The following OR2F1 variants were observed in gnomAD, a reference collection of about 807,000 sequenced individuals.
The protein encoded by OR2F1 is olfactory receptor family 2 subfamily F member 1.
For missense variants in OR2F1, 389 were observed against 378.2 expected, an observed-to-expected ratio of 1.03 and a Z score of -0.24; for synonymous variants, 146 against 155.3, an observed-to-expected ratio of 0.94 and a Z score of 0.44.
intron 1 of OR2F1, among the ~76,000 whole-genome samples, chr7:143,955,342 C>G (rs1478222952): frequency 6.6e-6 from 1 of 152,006 alleles, no homozygotes; most frequent in Non-Finnish European, 1.5e-5. Flanking sequence ...AAAACTCCAG[C>G]TTTTACTATT....
rs1242877286 is a variant in OR2F1, at chr7:143,960,232, G to T, written c.262G>T (p.Glu88Ter). The T allele has an allele frequency of 1.1e-5, 18 of 1,614,032 alleles. No homozygotes were observed. Among genetic ancestry groups the T allele is most frequent in the Non-Finnish European group, 1.4e-5 (17 of 1,180,044 alleles). ...VPQLLAHFLA[E>*]HKAIPFQSCA... ...TCAGCTGCTGGCACATTTTCTTGCA[G>T]AACATAAAGCCATCCCATTCCAGAG... Residue 88 changes from glutamate (E) to a stop codon, truncating the protein, a stop_gained, in exon 3 of 3, where the codon GAA becomes TAA. Transcript: ENST00000641412. LOFTEE classifies it low-confidence loss of function (END_TRUNC).
At chr7:143,956,143 C>A (rs2050283788) in intron 1 of OR2F1, among the ~76,000 whole-genome samples, 1 of 152,050 alleles carries the variant, frequency 6.6e-6, no homozygotes, top group Non-Finnish European at 1.5e-5. Flanking sequence ...CAGATTAGAG[C>A]AGTAAAGATC....
rs966978412 is a variant in OR2F1 at position 143,959,928 on chromosome 7, T to C, written c.-23-20T>C. The C allele has an allele frequency of 2.7e-6, 4 of 1,457,210 alleles. No homozygotes were observed. The South Asian group carries it at 4.0e-5, about 15-fold the overall frequency. 90.3% of individuals were successfully genotyped at this position (1,457,210 alleles called of 1,614,324 possible). ...TATAGTTATTCAACAGCTTCTGTTTTTTTCTGACTCCCTTCACAGATTAAT... is the reference window on the plus strand; with the variant it reads ...TATAGTTATTCAACAGCTTCTGTTTCTTTCTGACTCCCTTCACAGATTAAT... On this transcript the variant is annotated intron_variant, in intron 2 of 2. Transcript: ENST00000641412.
At chr7:143,955,641 G>A (rs2050279203) in intron 1 of OR2F1, among the ~76,000 whole-genome samples, 1 of 152,072 alleles carries the variant, frequency 6.6e-6, no homozygotes, top group African/African-American at 2.4e-5. Context: ...AACACAGGAA[G>A]CAGTAATTCC....
chr7:143,960,815 C>A lies in OR2F1; in HGVS notation c.845C>A (p.Thr282Lys). Residue 282 changes from threonine to lysine, a missense_variant, in exon 3 of 3, where the codon ACA (threonine) becomes AAA (lysine). Coordinates refer to ENST00000641412, the MANE Select transcript of OR2F1 (RefSeq NM_012369.3). ...KLFSVFYAIL[T>K]PMLNPMIYSL... ...TTCTCTGTCTTTTATGCCATTTTAA[C>A]ACCAATGCTGAACCCCATGATTTAC... is the stretch of plus-strand genomic sequence containing the variant. 6.2e-7 allele frequency: 1 copy of A among 1,614,156 alleles called. No homozygotes were observed. Among genetic ancestry groups the A allele is most frequent in the Non-Finnish European group, 8.5e-7 (1 of 1,180,010 alleles).
At chr7:143,958,167 A>G (rs2050298044) in intron 1 of OR2F1, among the ~76,000 whole-genome samples, 1 of 152,222 alleles carries the variant, frequency 6.6e-6, no homozygotes, top group Non-Finnish European at 1.5e-5. Flanking sequence ...TCTAACAACG[A>G]TGACACTTTA....
chr7:143,956,525 A>C (rs1261743414), intron 1 of OR2F1, among the ~76,000 whole-genome samples: 4 of 152,194 alleles, frequency 2.6e-5, no homozygotes, highest in Non-Finnish European at 5.9e-5. Flanking sequence ...AGCCTATTTT[A>C]ATAAAAGACT....
Position 143,960,921 on chromosome 7 carries a change from T to C in OR2F1, c.951T>C (p.Thr317=). ...KFSGLTSKLA[T] ...CTGGGTTAACATCAAAGCTGGCAAC[T>C]TGACTCATGAGTATGACTTAGAGAA... Residue 317 remains threonine (T), a synonymous_variant, in exon 3 of 3, where the codon ACT becomes ACC. Transcript: ENST00000641412. 5.0e-6 allele frequency: 8 copies of C among 1,602,300 alleles called. No individual in the cohort carries two copies. Among genetic ancestry groups the C allele is most frequent in the South Asian group, 2.3e-5 (2 of 88,566 alleles).
rs764362000 is a variant in OR2F1, at chr7:143,960,795, T to C, written c.825T>C (p.Ser275=). 3.7e-6 allele frequency: 6 copies of C among 1,614,192 alleles called. No individual in the cohort carries two copies. The Admixed American group carries it at 6.7e-5, about 18-fold the overall frequency. Residue 275 remains serine (S), a synonymous_variant, in exon 3 of 3, where the codon TCT becomes TCC. Transcript: ENST00000641412. Reference sequence around the variant, plus strand: ...CTGTCCTTCAGGAGAAGTTGTTCTCTGTCTTTTATGCCATTTTAACACCAA... The same window carrying C: ...CTGTCCTTCAGGAGAAGTTGTTCTCCGTCTTTTATGCCATTTTAACACCAA... The part of the protein sequence containing the change: ...SPSVLQEKLF[S]VFYAILTPML...
chr7:143,961,725 C>A lies in OR2F1; in HGVS notation c.*801C>A, dbSNP rs1036425163. 4.6e-5 allele frequency: 7 copies of A among 152,090 alleles called. No homozygotes were observed. Among genetic ancestry groups the A allele is most frequent in the African/African-American group, 1.7e-4 (7 of 41,418 alleles). 9.4% of individuals were successfully genotyped at this position (152,090 alleles called of 1,614,324 possible). On this transcript the variant is annotated 3_prime_UTR_variant, in exon 3 of 3. Transcript: ENST00000641412. ...AAATCTGTAAGCTCTTTCTCAGAAT[C>A]TTCAGAAACACACAAAAAAGCACAC...
chr7:143,956,418 T>G (rs754241432), intron 1 of OR2F1, among the ~76,000 whole-genome samples: 1 of 152,140 alleles, frequency 6.6e-6, no homozygotes, highest in Non-Finnish European at 1.5e-5. Flanking sequence ...AAGATATATT[T>G]TTTGAATATT....
rs759961806 is a variant in OR2F1, at chr7:143,960,287, C to T, written c.317C>T (p.Ala106Val). 84 of 1,614,020 alleles carry T rather than the reference C, an allele frequency of 5.2e-5. No individual in the cohort carries two copies. The highest frequency in any genetic ancestry group is 1.1e-4 in the South Asian group (10 of 91,084). Reference sequence around the variant, plus strand: ...GCAGCCCAGTTATTTTTCTCCCTGGCCTTGGGTGGGATTGAGTTTGTTCTC... The same window carrying T: ...GCAGCCCAGTTATTTTTCTCCCTGGTCTTGGGTGGGATTGAGTTTGTTCTC... Reference protein sequence around the residue: ...SCAAQLFFSLALGGIEFVLLA... With the variant: ...SCAAQLFFSLVLGGIEFVLLA... Residue 106 changes from alanine to valine, a missense_variant, in exon 3 of 3, where the codon GCC (alanine) becomes GTC (valine). Physicochemically the swap from Ala to Val is moderately conservative, Grantham distance 64 (BLOSUM62 0). Transcript: ENST00000641412.
At chr7:143,956,093 C>T (rs2050283383) in intron 1 of OR2F1, among the ~76,000 whole-genome samples, 1 of 152,078 alleles carries the variant, frequency 6.6e-6, no homozygotes, top group African/African-American at 2.4e-5. Flanking sequence ...GTTAGTTGAC[C>T]TCAATGAATG....
At position 143,961,800 on chromosome 7, in the gene OR2F1, A is replaced by G. The variant is rs2050332200; in HGVS notation, c.*876A>G. ...GTCAAAGACATAGTTAATTTAAGGA[A>G]AAACTCTTCAGCCAAAGTCAATGAA... On this transcript the variant is annotated 3_prime_UTR_variant, in exon 3 of 3. Coordinates refer to ENST00000641412, the MANE Select transcript of OR2F1 (RefSeq NM_012369.3). 1 of 152,228 alleles carries G rather than the reference A, an allele frequency of 6.6e-6. No individual in the cohort carries two copies. The highest frequency in any genetic ancestry group is 2.4e-5 in the African/African-American group (1 of 41,442). 9.4% of individuals were successfully genotyped at this position (152,228 alleles called of 1,614,324 possible). A position where few individuals can be genotyped will look rare whatever the true frequency, so the allele number is the denominator to read the frequency against.
At position 143,961,053 on chromosome 7, in the gene OR2F1, T is replaced by C; in HGVS notation, c.*129T>C. ...GACGTAGCATGTACTGTGGATGTTATGGAGGAGGGGGAGTGGTTCAATTGG... is the reference window on the plus strand; with the variant it reads ...GACGTAGCATGTACTGTGGATGTTACGGAGGAGGGGGAGTGGTTCAATTGG... On this transcript the variant is annotated 3_prime_UTR_variant, in exon 3 of 3. Transcript: ENST00000641412. 2 of 699,796 alleles carry C rather than the reference T, an allele frequency of 2.9e-6. No homozygotes were observed. Among genetic ancestry groups the C allele is most frequent in the Non-Finnish European group, 2.4e-6 (1 of 412,468 alleles). 43.3% of individuals were successfully genotyped at this position (699,796 alleles called of 1,614,324 possible).
Position 143,960,931 on chromosome 7 carries a change from A to C in OR2F1, c.*7A>C, listed in dbSNP as rs150154699. 1.6e-5 allele frequency: 26 copies of C among 1,589,754 alleles called. No homozygotes were observed. In the African/African-American group the frequency reaches 3.4e-4, roughly 21 times the overall value. On this transcript the variant is annotated 3_prime_UTR_variant, in exon 3 of 3. Coordinates refer to ENST00000641412, the MANE Select transcript of OR2F1 (RefSeq NM_012369.3). ...ATCAAAGCTGGCAACTTGACTCATG[A>C]GTATGACTTAGAGAAAACAGCTTTG...
chr7:143,959,866 G>C, intron 2 of OR2F1, 82 bp from the exon 3 acceptor site: 1 of 878,232 alleles, frequency 1.1e-6, no homozygotes, highest in Non-Finnish European at 1.8e-6. Context: ...CCTAGGGCTG[G>C]CTGGCATGTA....
intron 2 of OR2F1, 31 bp from the exon 3 acceptor site, chr7:143,959,917 A>G: frequency 7.4e-7 from 1 of 1,353,398 alleles, no homozygotes; most frequent in African/African-American, 1.5e-5. Flanking sequence ...GTTATTCAAC[A>G]GCTTCTGTTT....
intron 1 of OR2F1, among the ~76,000 whole-genome samples, chr7:143,958,552 C>G (rs754832895): frequency 6.6e-6 from 1 of 152,156 alleles, no homozygotes; most frequent in African/African-American, 2.4e-5. Flanking sequence ...GACAGTCTTT[C>G]CCTTGCGAGT....
Sources: gnomAD v4.1 joint callset for allele counts (sites outside exome capture counted in the v4.1 genomes callset) on GRCh38, gnomAD v4.1.1 for gene constraint, MANE v1.5 for transcripts, NCBI Gene and HGNC (gene_info 2026-07-23, HGNC 2026-07-21) for gene names.